Variants in HUWE1 observed in about 807,000 individuals in gnomAD.
HUWE1 encodes the protein E3 ubiquitin-protein ligase HUWE1.
Under a neutral mutation model 299.4 loss-of-function variants are expected in HUWE1, and 18 were observed. That is an observed-to-expected ratio of 0.06 (90% CI 0.04 to 0.09). The LOEUF is 0.09. HUWE1 is among the 10% of genes least tolerant of loss of function. The pLI, the probability that HUWE1 is intolerant of heterozygous loss-of-function variation, is 1.00. For synonymous variants in HUWE1, 1,317 were observed against 1,286.1 expected (o/e 1.02, Z -0.51); for missense variants, 1,832 against 3,462.3 (o/e 0.53, Z 11.82).
intron 12 of HUWE1, 82 bp from the exon 13 acceptor site, chrX:53,629,698 G>A: frequency 1.7e-6 from 1 of 585,260 alleles, no homozygotes; most frequent in Non-Finnish European, 2.9e-6. Flanking sequence ...GGTATCTATA[G>A]GTTCTGGGGA....
chrX:53,554,240 C>T (rs896626265), intron 61 of HUWE1, among the ~76,000 whole-genome samples: 12 of 110,178 alleles, frequency 1.1e-4, no homozygotes, highest in Non-Finnish European at 1.9e-4. Flanking sequence ...TTTTTTTCCC[C>T]CCAATAGAGA....
At chrX:53,535,110 A>AT (rs1270898016) in intron 81 of HUWE1, among the ~76,000 whole-genome samples, 3 of 110,495 alleles carry the variant, frequency 2.7e-5, no homozygotes, top group East Asian at 2.9e-4. Flanking sequence ...CTAATTTTTT[A>AT]TTTTAGTAGA....
chrX:53,577,069 T>C lies in HUWE1; in HGVS notation c.5717-2A>G. ...GATTCTCAAATTCATCATCTGAAGC[T>C]AAGCCAAAATGAGAGAGAAAAACCA... On this transcript the variant is annotated splice_acceptor_variant, in intron 43 of 83. Transcript: ENST00000262854. LOFTEE classifies it high-confidence loss of function. 8.4e-7 allele frequency: 1 copy of C among 1,197,531 alleles called. No individual in the cohort carries two copies. The highest frequency in any genetic ancestry group is 1.1e-6 in the Non-Finnish European group (1 of 882,881).
At chrX:53,535,629 G>A in intron 80 of HUWE1, 128 bp from the exon 81 acceptor site, 1 of 532,527 alleles carries the variant, frequency 1.9e-6, no homozygotes, top group Non-Finnish European at 3.4e-6. Context: ...ATACAAAACA[G>A]TGACTTTTTC....
intron 46 of HUWE1, among the ~76,000 whole-genome samples, chrX:53,574,752 T>C (rs1413060457): frequency 8.9e-6 from 1 of 112,083 alleles, no homozygotes; most frequent in Non-Finnish European, 1.9e-5. Flanking sequence ...CCCAGGGACA[T>C]TTTTCTAGTT....
At chrX:53,605,405 C>T (rs1434644904) in intron 25 of HUWE1, among the ~76,000 whole-genome samples, 3 of 112,128 alleles carry the variant, frequency 2.7e-5, no homozygotes, top group Non-Finnish European at 5.6e-5. Flanking sequence ...ATAAATCTAT[C>T]TATCCTTCCA....
chrX:53,645,081 T>C (rs2067884567), intron 7 of HUWE1, among the ~76,000 whole-genome samples: 1 of 112,353 alleles, frequency 8.9e-6, no homozygotes, highest in Admixed American at 9.4e-5. Context: ...ATTGCCACTT[T>C]TGAACAGAGA....
At chrX:53,606,091 C>T (rs1484988998) in intron 25 of HUWE1, among the ~76,000 whole-genome samples, 1 of 110,757 alleles carries the variant, frequency 9.0e-6, no homozygotes, top group African/African-American at 3.3e-5. Context: ...ACACAGGCAA[C>T]AAAAACAAAA....
chrX:53,661,181 C>T (rs1425959447), intron 3 of HUWE1, among the ~76,000 whole-genome samples: 1 of 109,796 alleles, frequency 9.1e-6, no homozygotes, highest in African/African-American at 3.3e-5. Flanking sequence ...ACTACAGGCG[C>T]CCGCCACCAC....
intron 55 of HUWE1, among the ~76,000 whole-genome samples, chrX:53,561,434 C>T (rs2062286698): frequency 8.9e-6 from 1 of 112,835 alleles, no homozygotes; most frequent in Non-Finnish European, 1.9e-5. Flanking sequence ...ATTGCCCTGC[C>T]ACTGTGGTGT....
intron 19 of HUWE1, among the ~76,000 whole-genome samples, chrX:53,620,478 G>A (rs1263460694): frequency 1.8e-5 from 2 of 110,944 alleles, no homozygotes; most frequent in African/African-American, 6.6e-5. Flanking sequence ...TGGGCTCAAG[G>A]CTCAAGCAAT....
At chrX:53,665,494 T>C (rs1156415480) in intron 3 of HUWE1, among the ~76,000 whole-genome samples, 1 of 111,872 alleles carries the variant, frequency 8.9e-6, no homozygotes, top group Admixed American at 9.5e-5. Flanking sequence ...CAATGTTGAC[T>C]TTGAACGTGA....
intron 3 of HUWE1, among the ~76,000 whole-genome samples, chrX:53,666,888 C>A (rs2149484447): frequency 9.0e-6 from 1 of 111,377 alleles, no homozygotes; most frequent in South Asian, 3.7e-4. Flanking sequence ...AATAACTATC[C>A]AGTAAATGCT....
chrX:53,668,974 A>T (rs1569514576), intron 3 of HUWE1, among the ~76,000 whole-genome samples: 1 of 112,643 alleles, frequency 8.9e-6, no homozygotes, highest in African/African-American at 3.2e-5. Flanking sequence ...TGCAAAAGGT[A>T]AACAGTCTAC....
intron 26 of HUWE1, among the ~76,000 whole-genome samples, chrX:53,604,263 G>C (rs1556994402): frequency 9.0e-6 from 1 of 111,654 alleles, no homozygotes; most frequent in Non-Finnish European, 1.9e-5. Context: ...AATGTTCTTT[G>C]GTAAAATGTC....
At chrX:53,635,360 CTGGAG>C (rs782202704) in intron 7 of HUWE1, among the ~76,000 whole-genome samples, 1 of 110,882 alleles carries the variant, frequency 9.0e-6, no homozygotes, top group East Asian at 2.8e-4. Context: ...GTTGCCTAGG[CTGGAG>C]TGGAGTGCAG....
At chrX:53,601,212 C>T (rs1402423475) in intron 28 of HUWE1, among the ~76,000 whole-genome samples, 2 of 106,636 alleles carry the variant, frequency 1.9e-5, no homozygotes, top group South Asian at 4.2e-4. Flanking sequence ...GACAGGGTCT[C>T]GCTCTGTCAT....
chrX:53,617,787 T>C (rs1354011729), intron 19 of HUWE1, among the ~76,000 whole-genome samples: 1 of 111,948 alleles, frequency 8.9e-6, no homozygotes, highest in East Asian at 2.8e-4. Context: ...TTCCACTAAA[T>C]GCATGTACCA....
chrX:53,569,892 C>T (rs985667172), intron 47 of HUWE1, 65 bp from the exon 48 acceptor site: 1 of 915,621 alleles, frequency 1.1e-6, no homozygotes, highest in Non-Finnish European at 1.6e-6. Flanking sequence ...TTGCACAGGA[C>T]CAAAGATACA....
Sources: allele counts gnomAD v4.1 joint callset (sites outside exome capture counted in the v4.1 genomes callset), GRCh38; gene constraint gnomAD v4.1.1; transcripts MANE v1.5; gene names NCBI Gene and HGNC (gene_info 2026-07-23, HGNC 2026-07-21).